The following LYVE1 variants were observed in gnomAD, a reference collection of about 807,000 sequenced individuals.
The protein encoded by LYVE1 is lymphatic vessel endothelial hyaluronic acid receptor 1.
Under a neutral mutation model 31.5 loss-of-function variants are expected in LYVE1, and 29 were observed. The ratio of observed to expected loss-of-function variants is 0.92; its 90% CI spans 0.69 to 1.26. The LOEUF (loss-of-function observed/expected upper bound fraction) is 1.26, where lower values mean the gene tolerates loss of function less well. LYVE1 is among the 50% of genes most tolerant of loss of function. The pLI, the probability that LYVE1 is intolerant of heterozygous loss-of-function variation, is 0.00. For missense variants in LYVE1, 376 were observed against 380.2 expected, an observed-to-expected ratio of 0.99 and a Z score of 0.09; for synonymous variants, 134 against 139.4, an observed-to-expected ratio of 0.96 and a Z score of 0.27.
At position 10,564,214 on chromosome 11, in the gene LYVE1, A is replaced by C; in HGVS notation, c.246T>G (p.Phe82Leu). 1 of 1,613,998 alleles carries C rather than the reference A, an allele frequency of 6.2e-7. No individual in the cohort carries two copies. The highest frequency in any genetic ancestry group is 8.5e-7 in the Non-Finnish European group (1 of 1,179,818). The part of the protein sequence containing the change: ...DQVETALKAS[F>L]ETCSYGWVGD... ...CAGCTTTTTCTCACCTGCAAGTTTC[A>C]AAGCTAGCTTTCAAGGCTGTTTCAA... The change falls in exon 2 of 6, where the codon TTT (phenylalanine) becomes TTG (leucine). Residue 82 changes from phenylalanine to leucine, a missense_variant. Transcript: ENST00000256178.
At chr11:10,563,120 A>G (rs886192318) in intron 3 of LYVE1, among the ~76,000 whole-genome samples, 2 of 151,572 alleles carry the variant, frequency 1.3e-5, no homozygotes. Context: ...CGCCTGGCTA[A>G]TTTTTTGTAT....
At chr11:10,565,397 T>A (rs1033408591) in intron 1 of LYVE1, among the ~76,000 whole-genome samples, 2 of 152,230 alleles carry the variant, frequency 1.3e-5, no homozygotes, top group African/African-American at 4.8e-5. Context: ...CAAGTTGTAT[T>A]GTATTCAAAT....
At position 10,559,247 on chromosome 11, in the gene LYVE1, A is replaced by T. The variant is rs1850368264; in HGVS notation, c.833T>A (p.Ile278Asn). 6.2e-7 allele frequency: 1 copy of T among 1,614,024 alleles called. No homozygotes were observed. The highest frequency in any genetic ancestry group is 8.5e-7 in the Non-Finnish European group (1 of 1,180,006). Residue 278 changes from isoleucine (I) to asparagine (N), a missense_variant, in exon 6 of 6, where the codon ATC becomes AAC. Physicochemically the swap from Ile to Asn is moderately radical, Grantham distance 149. Transcript: ENST00000256178. ...CTCCTCCTTTACTACTTTGGTTTCG[A>T]TCATTTCCTTCTGCTGATTCTTGTT... ...FTNKNQQKEM[I>N]ETKVVKEEKA...
At chr11:10,561,594 C>G (rs1850425699) in intron 3 of LYVE1, among the ~76,000 whole-genome samples, 1 of 152,110 alleles carries the variant, frequency 6.6e-6, no homozygotes, top group Admixed American at 6.6e-5. Context: ...GTTAAAGCAT[C>G]TTAATCTGAG....
rs985876314 is a variant in LYVE1 at position 10,557,032 on chromosome 11, G to A, written c.*2079C>T. ...TTCCCTCTTTTCTTCTTTACTCCCT[G>A]AGAAATGGATGAAGCTGATAAAGCT... On this transcript the variant is annotated 3_prime_UTR_variant, in exon 6 of 6. Transcript: ENST00000256178. The A allele has an allele frequency of 1.3e-5, 2 of 151,778 alleles. No homozygotes were observed. Among genetic ancestry groups the A allele is most frequent in the African/African-American group, 4.8e-5 (2 of 41,292 alleles). The allele number at this position is 151,778 out of a possible 1,614,324, so 9.4% of individuals were successfully genotyped here.
chr11:10,563,049 G>A (rs1167713972), intron 3 of LYVE1, among the ~76,000 whole-genome samples: 5 of 150,666 alleles, frequency 3.3e-5, no homozygotes, highest in Non-Finnish European at 7.4e-5. Context: ...CGCCTCCTGG[G>A]TTCATGCCAT....
intron 3 of LYVE1, among the ~76,000 whole-genome samples, chr11:10,561,014 C>A (rs1431435385): frequency 6.6e-6 from 1 of 152,220 alleles, no homozygotes; most frequent in Non-Finnish European, 1.5e-5. Flanking sequence ...CCCCTGCTAA[C>A]ATGCCAGCCT....
Position 10,564,192 on chromosome 11 carries a change from C to T in LYVE1, c.257+11G>A, listed in dbSNP as rs775930369. On this transcript the variant is annotated intron_variant, in intron 2 of 5. Coordinates refer to ENST00000256178, the MANE Select transcript of LYVE1 (RefSeq NM_006691.4). The stretch of plus-strand genomic sequence containing the variant: ...ACTCCAGCAGTGACAGTGAAACCAG[C>T]TTTTTCTCACCTGCAAGTTTCAAAG... 2 of 1,613,796 alleles carry T rather than the reference C, an allele frequency of 1.2e-6. No homozygotes were observed. Among genetic ancestry groups the T allele is most frequent in the South Asian group, 2.2e-5 (2 of 91,056 alleles).
Position 10,568,618 on chromosome 11 carries a change from G to C in LYVE1, c.-86C>G, listed in dbSNP as rs1212369525. The C allele has an allele frequency of 6.7e-7, 1 of 1,503,006 alleles. No individual in the cohort carries two copies. The highest frequency in any genetic ancestry group is 8.9e-7 in the Non-Finnish European group (1 of 1,120,054). The allele number at this position is 1,503,006 out of a possible 1,614,324, so 93.1% of individuals were successfully genotyped here. On this transcript the variant is annotated 5_prime_UTR_variant, in exon 1 of 6. Coordinates refer to ENST00000256178, the MANE Select transcript of LYVE1 (RefSeq NM_006691.4). ...AGATGCTCAATAACTAGTCCGGATG[G>C]AGAGTTCTGGAACTATGTTGAGGCT...
chr11:10,568,346 G>A (rs1205969940), intron 1 of LYVE1, 102 bp downstream of exon 1: 7 of 1,169,044 alleles, frequency 6.0e-6, no homozygotes, highest in Non-Finnish European at 8.4e-6. Flanking sequence ...ACCTGCTGTT[G>A]ACACTGAGGG....
chr11:10,560,850 C>T, intron 3 of LYVE1, 50 bp from the exon 4 acceptor site: 1 of 1,456,154 alleles, frequency 6.9e-7, no homozygotes, highest in Non-Finnish European at 9.5e-7. Context: ...AGCCTCCTAA[C>T]TGTTCTTCTT....
chr11:10,564,495 G>T, intron 1 of LYVE1, 121 bp from the exon 2 acceptor site: 5 of 844,622 alleles, frequency 5.9e-6, no homozygotes, highest in Non-Finnish European at 9.1e-6. Flanking sequence ...CTGGGACTGG[G>T]GTTTAGAATA....
At chr11:10,563,687 G>T (rs1850476997) in intron 3 of LYVE1, among the ~76,000 whole-genome samples, 2 of 152,178 alleles carry the variant, frequency 1.3e-5, no homozygotes, top group Admixed American at 1.3e-4. Flanking sequence ...ATAGGATGCA[G>T]GGATGGTGGC....
At chr11:10,561,867 G>A (rs1022710059) in intron 3 of LYVE1, among the ~76,000 whole-genome samples, 20 of 152,246 alleles carry the variant, frequency 1.3e-4, no homozygotes, top group Admixed American at 9.2e-4. Context: ...AATACCTAAC[G>A]TAGGTGACGG....
chr11:10,559,714 T>TA (rs139395742), intron 5 of LYVE1, 102 bp downstream of exon 5: 17,594 of 928,378 alleles, frequency 0.019, 243 homozygotes, highest in African/African-American at 0.061. Context: ...AGAGGACTGC[T>TA]ATCTCCATTT....
chr11:10,560,031 C>T (rs1051693435), intron 4 of LYVE1, 137 bp from the exon 5 acceptor site: 13 of 590,536 alleles, frequency 2.2e-5, no homozygotes, highest in Middle Eastern at 5.5e-4. Context: ...GATATTGGGC[C>T]CACACCAGCT....
At position 10,558,941 on chromosome 11, in the gene LYVE1, T is replaced by C; in HGVS notation, c.*170A>G. 2 of 601,066 alleles carry C rather than the reference T, an allele frequency of 3.3e-6. No homozygotes were observed. The highest frequency in any genetic ancestry group is 5.9e-6 in the Non-Finnish European group (2 of 341,146). 37.2% of individuals were successfully genotyped at this position (601,066 alleles called of 1,614,324 possible). On this transcript the variant is annotated 3_prime_UTR_variant, in exon 6 of 6. Coordinates refer to ENST00000256178, the MANE Select transcript of LYVE1 (RefSeq NM_006691.4). ...AGGGTTACAATAAGGAGAAGGGCAT[T>C]CTCTTTGGTGCACTCCATAGTCCAA...
intron 5 of LYVE1, among the ~76,000 whole-genome samples, 174 bp downstream of exon 5, chr11:10,559,642 G>A (rs1364868852): frequency 2.6e-5 from 4 of 152,114 alleles, no homozygotes; most frequent in African/African-American, 7.2e-5. Context: ...CGACATGCAT[G>A]TCCTGAAATA....
chr11:10,565,000 C>G (rs908889744), intron 1 of LYVE1, among the ~76,000 whole-genome samples: 3 of 152,168 alleles, frequency 2.0e-5, no homozygotes, highest in Non-Finnish European at 4.4e-5. Flanking sequence ...GGGCTTAGAT[C>G]TAGCATATGT....
Sources: allele counts gnomAD v4.1 joint callset (sites outside exome capture counted in the v4.1 genomes callset), GRCh38; gene constraint gnomAD v4.1.1; transcripts MANE v1.5; gene names NCBI Gene and HGNC (gene_info 2026-07-23, HGNC 2026-07-21).